The following ATP13A3 variants were observed in gnomAD, a reference collection of about 807,000 sequenced individuals.
ATP13A3 encodes ATPase 13A3.
In ATP13A3, 59 loss-of-function variants were observed where a neutral mutation model predicts 158.1. The ratio of observed to expected loss-of-function variants is 0.37; its 90% CI spans 0.30 to 0.46. The LOEUF is 0.46. Among genes scored for constraint, ATP13A3 ranks in the 20% least tolerant of loss-of-function variants. The pLI, the probability that ATP13A3 is intolerant of heterozygous loss-of-function variation, is 1.00. For synonymous variants in ATP13A3, 491 were observed against 504.3 expected, an observed-to-expected ratio of 0.97 and a Z score of 0.35; for missense variants, 1,166 against 1,525.2, an observed-to-expected ratio of 0.76 and a Z score of 3.92.
chr3:194,459,865 G>A lies in ATP13A3; in HGVS notation c.332C>T (p.Ala111Val). The change falls in exon 5 of 34, where the codon GCA (alanine) becomes GTA (valine). Residue 111 changes from alanine to valine, a missense_variant. Physicochemically the swap from Ala to Val is moderately conservative, Grantham distance 64. Transcript: ENST00000645319. The part of the protein sequence containing the change: ...SMSNKLSNGH[A>V]VCLIENPTEE... ...AGTGGGATTCTCAATTAAACAAACT[G>A]CATGGCCATTTGAAAGCTTATTAGA... 6.2e-7 allele frequency: 1 copy of A among 1,613,420 alleles called. No homozygotes were observed. Among genetic ancestry groups the A allele is most frequent in the South Asian group, 1.1e-5 (1 of 91,046 alleles).
intron 7 of ATP13A3, among the ~76,000 whole-genome samples, chr3:194,456,225 T>G (rs1255696699): frequency 6.6e-6 from 1 of 152,114 alleles, no homozygotes; most frequent in Non-Finnish European, 1.5e-5. Flanking sequence ...TATAATACCA[T>G]GTGAGCAAAA....
In ATP13A3 at chr3:194,436,959, A is replaced by G; in HGVS notation, c.2120+136T>C. 5.1e-6 allele frequency: 6 copies of G among 1,185,002 alleles called. No individual in the cohort carries two copies. The South Asian group carries it at 7.9e-5, about 16-fold the overall frequency. 73.4% of individuals were successfully genotyped at this position (1,185,002 alleles called of 1,614,324 possible). A position where few individuals can be genotyped will look rare whatever the true frequency, so the allele number is the denominator to read the frequency against. ...GTGGGGAAAATGTACTTTTACTTCAATCACCTAAAACAATATTATATTAGA... is the reference window on the plus strand; with the variant it reads ...GTGGGGAAAATGTACTTTTACTTCAGTCACCTAAAACAATATTATATTAGA... On this transcript the variant is annotated intron_variant, in intron 20 of 33. Transcript: ENST00000645319.
chr3:194,431,017 C>CA lies in ATP13A3; in HGVS notation c.2549dup (p.Met850IlefsTer13), dbSNP rs1560082927. 5.6e-6 allele frequency: 9 copies of CA among 1,613,614 alleles called. No homozygotes were observed. On this transcript the variant is annotated frameshift_variant, in exon 24 of 34. Transcript: ENST00000645319. LOFTEE classifies it high-confidence loss of function. ...TACGGGCAAACACGGTGCCATGCAA[C>CA]ATCAACTGGAAACAATAATACAAAT...
chr3:194,463,289 C>CTTT (rs34171479), intron 2 of ATP13A3, among the ~76,000 whole-genome samples: 12 of 138,108 alleles, frequency 8.7e-5, no homozygotes, highest in African/African-American at 2.4e-4. Flanking sequence ...CATATTTTTC[C>CTTT]TTTTTTTTTT....
In ATP13A3 at chr3:194,444,771, C is replaced by G; in HGVS notation, c.1513G>C (p.Glu505Gln). The G allele has an allele frequency of 6.2e-7, 1 of 1,602,448 alleles. No individual in the cohort carries two copies. The highest frequency in any genetic ancestry group is 1.7e-4 in the Middle Eastern group (1 of 6,022). The change falls in exon 15 of 34, where the codon GAA becomes CAA. Residue 505 changes from glutamate (E) to glutamine (Q), a missense_variant. Coordinates refer to ENST00000645319, the MANE Select transcript of ATP13A3 (RefSeq NM_001367549.1). ...VCFDKTGTLT[E>Q]DGLDLWGIQR... ...ATCCCCCAAAGATCTAAACCATCTT[C>G]AGTTAGAGTTCCAGTCTAAAAAACA...
At chr3:194,420,248 C>T (rs1193358343) in intron 30 of ATP13A3, 1 of 182,974 alleles carries the variant, frequency 5.5e-6, no homozygotes, top group African/African-American at 2.4e-5. Flanking sequence ...AAATAAGACT[C>T]AGACCTTCAC....
At position 194,450,324 on chromosome 3, in the gene ATP13A3, T is replaced by C; in HGVS notation, c.839-48A>G. On this transcript the variant is annotated intron_variant, in intron 10 of 33. Transcript: ENST00000645319. ...AAATCTGAAAAAGATATTCTTTACC[T>C]TGGAAAAATACAGCAAATGCTATTC... 6 of 1,550,064 alleles carry C rather than the reference T, an allele frequency of 3.9e-6. 1 individual carries two copies. Among genetic ancestry groups the C allele is most frequent in the African/African-American group, 2.7e-5 (2 of 72,814 alleles).
At chr3:194,450,871 A>C (rs1316922331) in intron 10 of ATP13A3, 1 of 152,160 alleles carries the variant, frequency 6.6e-6, no homozygotes, top group East Asian at 1.9e-4. Flanking sequence ...TTTCCTTACA[A>C]ATTTTAGTGA....
rs1342266916 is a variant in ATP13A3, at chr3:194,413,850, A to C, written c.3403-11T>G. On this transcript the variant is annotated splice_polypyrimidine_tract_variant and intron_variant, in intron 31 of 33. Transcript: ENST00000645319. ...TGGTACACACACTATCTGTAATGCA[A>C]AAACATTTTAAAGTTAAAATTGTTG... 6.2e-7 allele frequency: 1 copy of C among 1,605,932 alleles called. No homozygotes were observed. Among genetic ancestry groups the C allele is most frequent in the Admixed American group, 1.7e-5 (1 of 60,012 alleles).
rs756352296 is a variant in ATP13A3, at chr3:194,460,699, C to T, written c.184G>A (p.Ala62Thr). The T allele has an allele frequency of 3.7e-6, 6 of 1,614,028 alleles. No individual in the cohort carries two copies. In the East Asian group the frequency reaches 1.3e-4, roughly 36 times the overall value. Reference protein sequence around the residue: ...EWRVKATCVRAAIKDCEVVLL... With the variant: ...EWRVKATCVRTAIKDCEVVLL... ...ACTACTTCACAGTCTTTAATTGCAGCTCTGACACAGGTCGCTTTCACCCGC... is the reference window on the plus strand; with the variant it reads ...ACTACTTCACAGTCTTTAATTGCAGTTCTGACACAGGTCGCTTTCACCCGC... Residue 62 changes from alanine (A) to threonine (T), a missense_variant, in exon 4 of 34, where the codon GCT becomes ACT. By Grantham distance (58) the Ala-to-Thr change is moderately conservative. This residue lies in a region of ATP13A3 where 65 missense variants were observed against 92.4 expected (regional missense o/e 0.70). Coordinates refer to ENST00000645319, the MANE Select transcript of ATP13A3 (RefSeq NM_001367549.1).
In ATP13A3 at chr3:194,428,829, A is replaced by G. The variant is rs137989146; in HGVS notation, c.2947+16T>C. ...TTCATACACTTTAAAAATCAATAAC[A>G]AAGCAAAATACTCACTTGTAAATAC... is the stretch of plus-strand genomic sequence containing the variant. On this transcript the variant is annotated intron_variant, in intron 28 of 33. Coordinates refer to ENST00000645319, the MANE Select transcript of ATP13A3 (RefSeq NM_001367549.1). 41 of 1,551,364 alleles carry G rather than the reference A, an allele frequency of 2.6e-5. No homozygotes were observed. The East Asian group carries it at 5.7e-4, about 21-fold the overall frequency.
chr3:194,416,288 C>A (rs1055539776), intron 31 of ATP13A3, among the ~76,000 whole-genome samples: 2 of 152,046 alleles, frequency 1.3e-5, no homozygotes, highest in African/African-American at 4.8e-5. Context: ...GAAATCCCAT[C>A]TCTACTAAGA....
intron 2 of ATP13A3, among the ~76,000 whole-genome samples, chr3:194,484,406 A>T (rs1720884438): frequency 6.6e-6 from 1 of 152,198 alleles, no homozygotes; most frequent in South Asian, 2.1e-4. Context: ...GTGGTTTTGT[A>T]ACTACTGTGA....
At position 194,463,475 on chromosome 3, in the gene ATP13A3, T is replaced by C. The variant is rs970611864; in HGVS notation, c.-46-1239A>G. Among the ~76,000 whole-genome samples the C allele has an allele frequency of 4.6e-5, 7 of 152,176 alleles. No individual in the cohort carries two copies. In the East Asian group the frequency reaches 7.7e-4, roughly 17 times the overall value. ...TGAAATATCAGTTTTAATTCATATA[T>C]GGTATCAATAGCTATAGTCCACATA... On this transcript the variant is annotated intron_variant, in intron 2 of 33. Coordinates refer to ENST00000645319, the MANE Select transcript of ATP13A3 (RefSeq NM_001367549.1).
rs1401859747 is a variant in ATP13A3 at position 194,430,298 on chromosome 3, C to A, written c.2642G>T (p.Cys881Phe). Residue 881 changes from cysteine (C) to phenylalanine (F), a missense_variant, in exon 25 of 34, where the codon TGT becomes TTT. Cys to Phe is a radical substitution (Grantham distance 205). This residue lies in a region of ATP13A3 where 997 missense variants were observed against 1,341.2 expected (regional missense o/e 0.74). Transcript: ENST00000645319. ...LQNVDYFVGM[C>F]GDGANDCGAL... ...ACCACAATCATTTGCGCCATCACCA[C>A]ACATCCCAACAAAATAACTAAGAAA... The A allele has an allele frequency of 1.2e-6, 2 of 1,613,800 alleles. No individual in the cohort carries two copies. The highest frequency in any genetic ancestry group is 1.7e-6 in the Non-Finnish European group (2 of 1,179,760).
At chr3:194,426,812 C>T (rs541743612) in intron 29 of ATP13A3, among the ~76,000 whole-genome samples, 3 of 152,102 alleles carry the variant, frequency 2.0e-5, no homozygotes, top group Non-Finnish European at 4.4e-5. Flanking sequence ...CAGAAAGGCA[C>T]CACCATGCCC....
At chr3:194,415,152 G>A (rs1715732308) in intron 31 of ATP13A3, among the ~76,000 whole-genome samples, 1 of 152,142 alleles carries the variant, frequency 6.6e-6, no homozygotes, top group Non-Finnish European at 1.5e-5. Context: ...TCAGAAGAGA[G>A]TATCTTAAGA....
intron 8 of ATP13A3, among the ~76,000 whole-genome samples, chr3:194,454,651 C>G (rs887814337): frequency 6.6e-6 from 1 of 151,896 alleles, no homozygotes; most frequent in Non-Finnish European, 1.5e-5. Context: ...CACGGTGAAA[C>G]CCTGTCTCTA....
At chr3:194,478,518 T>G (rs1371594750) in intron 2 of ATP13A3, among the ~76,000 whole-genome samples, 1 of 151,978 alleles carries the variant, frequency 6.6e-6, no homozygotes, top group Admixed American at 6.6e-5. Context: ...GGTACTATAG[T>G]GAGAGATCCT....
Sources: allele counts gnomAD v4.1 joint callset (sites outside exome capture counted in the v4.1 genomes callset), GRCh38; gene constraint gnomAD v4.1.1; regional missense constraint gnomAD v4.1.1; transcripts MANE v1.5; gene names NCBI Gene and HGNC (gene_info 2026-07-23, HGNC 2026-07-21).